VOPP1: variants seen among roughly 807,000 people sequenced by gnomAD.
VOPP1 encodes VOPP1 WW domain binding protein.
VOPP1 carries 8 observed loss-of-function variants against 23.5 expected under a neutral mutation model. The observed-to-expected ratio is 0.34, with a 90% confidence interval of 0.20 to 0.61. The LOEUF is 0.61. Ranked by LOEUF, VOPP1 falls within the 20% of genes least tolerant of loss-of-function variation. The probability of loss-of-function intolerance (pLI) is 0.78; values close to 1 mark genes in which losing one functional copy is unlikely to be tolerated. For synonymous variants in VOPP1, 83 were observed against 97.3 expected (o/e 0.85, Z 0.86); for missense variants, 174 against 238.1 (o/e 0.73, Z 1.77).
chr7:55,478,752 T>C (rs574495406), intron 4 of VOPP1, among the ~76,000 whole-genome samples: 19 of 152,246 alleles, frequency 1.2e-4, no homozygotes, highest in Non-Finnish European at 2.2e-4. Context: ...CAGATTCATG[T>C]ATCTCACATA....
intron 4 of VOPP1, among the ~76,000 whole-genome samples, chr7:55,488,922 C>T (rs989478937): frequency 2.6e-5 from 4 of 152,360 alleles, no homozygotes; most frequent in South Asian, 2.1e-4. Context: ...TGGGATTCCT[C>T]GGCTCCTCTC....
chr7:55,487,735 G>A (rs1006050197), intron 4 of VOPP1, among the ~76,000 whole-genome samples: 3 of 152,298 alleles, frequency 2.0e-5, no homozygotes, highest in Admixed American at 2.0e-4. Context: ...AACTTTAATG[G>A]CCACATAATA....
Position 55,568,539 on chromosome 7 carries a change from A to G in VOPP1, c.54+3732T>C, listed in dbSNP as rs1429503356. On this transcript the variant is annotated intron_variant, in intron 1 of 4. Coordinates refer to ENST00000285279, the MANE Select transcript of VOPP1 (RefSeq NM_030796.5). ...AAAATAAGTCTATCTCCTTGGAAGC[A>G]GAGGCACTGGTATTGGTGAGTTTTA... Among the ~76,000 whole-genome samples, 4 of 152,336 alleles carry G rather than the reference A, an allele frequency of 2.6e-5. No homozygotes were observed. In the East Asian group the frequency reaches 7.7e-4, roughly 29 times the overall value.
intron 1 of VOPP1, among the ~76,000 whole-genome samples, chr7:55,568,899 T>C (rs998298597): frequency 6.6e-6 from 1 of 152,104 alleles, no homozygotes; most frequent in African/African-American, 2.4e-5. Flanking sequence ...CCTGTAAGGA[T>C]TGTTTGCAGG....
In VOPP1 at chr7:55,458,431, G is replaced by A. The variant is rs530477638; in HGVS notation, n.418-22257C>T. ...CTTTTTTGATTTCATATGAACTTTG[G>A]TATTTTTGTTTTCAATTTCTGTGAC... On this transcript the variant is annotated intron_variant and non_coding_transcript_variant, in intron 4 of 4. Coordinates refer to the VOPP1 transcript ENST00000462326. Among the ~76,000 whole-genome samples, 3 of 152,062 alleles carry A rather than the reference G, an allele frequency of 2.0e-5. No homozygotes were observed. The South Asian group carries it at 6.2e-4, about 31-fold the overall frequency.
chr7:55,472,823 T>A lies in VOPP1; in HGVS notation c.*32A>T. On this transcript the variant is annotated 3_prime_UTR_variant, in exon 5 of 5. Coordinates refer to ENST00000285279, the MANE Select transcript of VOPP1 (RefSeq NM_030796.5). Reference sequence around the variant, plus strand: ...ACAGAAAGGCCAGGGAAAGGCCCTCTCCTGTCTCTCCTCTTGCACGTGGGC... The same window carrying A: ...ACAGAAAGGCCAGGGAAAGGCCCTCACCTGTCTCTCCTCTTGCACGTGGGC... 1 of 1,006,506 alleles carries A rather than the reference T, an allele frequency of 9.9e-7. No individual in the cohort carries two copies. The highest frequency in any genetic ancestry group is 1.4e-6 in the Non-Finnish European group (1 of 733,018). 62.3% of individuals were successfully genotyped at this position (1,006,506 alleles called of 1,614,324 possible).
intron 4 of VOPP1, among the ~76,000 whole-genome samples, chr7:55,464,960 A>G (rs1338846777): frequency 6.6e-6 from 1 of 152,162 alleles, no homozygotes. Flanking sequence ...CAGTGTGGCA[A>G]TGTAGACTGC....
intron 4 of VOPP1, among the ~76,000 whole-genome samples, chr7:55,488,695 G>A (rs1249256682): frequency 1.3e-5 from 2 of 150,062 alleles, no homozygotes; most frequent in Non-Finnish European, 3.0e-5. Flanking sequence ...CTGCCCCAGT[G>A]GGTGAGTCTG....
intron 1 of VOPP1, among the ~76,000 whole-genome samples, chr7:55,540,138 G>A (rs1298425697): frequency 6.6e-6 from 1 of 152,014 alleles, no homozygotes; most frequent in South Asian, 2.1e-4. Flanking sequence ...AGTGGCTCAC[G>A]CCTGTAATCC....
intron 1 of VOPP1, chr7:55,521,875 A>G (rs1795887157): frequency 1.0e-6 from 1 of 985,582 alleles, no homozygotes; most frequent in Non-Finnish European, 1.2e-6. Context: ...CTCTATGCAG[A>G]GATGCTCTTC....
At chr7:55,444,568 G>C (rs1458476732) in intron 4 of VOPP1, among the ~76,000 whole-genome samples, 4 of 152,054 alleles carry the variant, frequency 2.6e-5, no homozygotes, top group Admixed American at 1.3e-4. Flanking sequence ...GAGGATTGAG[G>C]GCCACTCTGG....
chr7:55,518,467 G>GAA (rs2129039902), intron 2 of VOPP1, among the ~76,000 whole-genome samples: 1 of 152,340 alleles, frequency 6.6e-6, no homozygotes, highest in East Asian at 1.9e-4. Flanking sequence ...GCCCCATACT[G>GAA]AAGCACTCGC....
chr7:55,487,421 A>G (rs1273075396), intron 4 of VOPP1, among the ~76,000 whole-genome samples: 1 of 152,186 alleles, frequency 6.6e-6, no homozygotes, highest in Non-Finnish European at 1.5e-5. Flanking sequence ...ATCTCTCTCT[A>G]TGTATCTGTG....
chr7:55,511,850 T>C (rs955430865), intron 2 of VOPP1, among the ~76,000 whole-genome samples: 6 of 152,218 alleles, frequency 3.9e-5, no homozygotes, highest in African/African-American at 1.4e-4. Context: ...GGGCACGTGT[T>C]GTTAGGACTT....
At chr7:55,435,805 G>A (rs957017567), downstream of VOPP1, among the ~76,000 whole-genome samples, 1 of 152,230 alleles carries the variant, frequency 6.6e-6, no homozygotes, top group African/African-American at 2.4e-5. Flanking sequence ...CGGTTCTTCT[G>A]CTCAGCAAAT....
intron 4 of VOPP1, among the ~76,000 whole-genome samples, chr7:55,462,687 G>A (rs1308066407): frequency 8.9e-5 from 12 of 135,226 alleles, no homozygotes; most frequent in Admixed American, 8.2e-5. Context: ...ACGGAGTCTC[G>A]CTCTGTTGCC....
At chr7:55,547,592 T>C (rs147345478) in intron 1 of VOPP1, among the ~76,000 whole-genome samples, 1 of 152,288 alleles carries the variant, frequency 6.6e-6, no homozygotes, top group Non-Finnish European at 1.5e-5. Context: ...CATGCAACCC[T>C]TTACTTGACT....
intron 1 of VOPP1, among the ~76,000 whole-genome samples, chr7:55,533,308 G>C (rs1796598576): frequency 6.6e-6 from 1 of 152,190 alleles, no homozygotes. Flanking sequence ...GAAAGGCAGT[G>C]CCCAAGGACA....
chr7:55,522,245 C>T (rs116911766), intron 1 of VOPP1, among the ~76,000 whole-genome samples: 1,671 of 152,282 alleles, frequency 0.011, 11 homozygotes, highest in Middle Eastern at 0.02. Context: ...CAGTGGCATG[C>T]CATGGGAGAG....
Sources: allele counts gnomAD v4.1 joint callset (sites outside exome capture counted in the v4.1 genomes callset), GRCh38; gene constraint gnomAD v4.1.1; transcripts MANE v1.5; gene names NCBI Gene and HGNC (gene_info 2026-07-23, HGNC 2026-07-21).